Variants in SOX6 observed in about 807,000 individuals in gnomAD.
SOX6 encodes transcription factor SOX-6.
SOX6 carries 11 observed loss-of-function variants against 97.8 expected under a neutral mutation model. The observed-to-expected ratio is 0.11, with a 90% confidence interval of 0.07 to 0.19. SOX6 has a LOEUF of 0.19. Among genes scored for constraint, SOX6 ranks in the 10% least tolerant of loss-of-function variants. The pLI is 1.00. For synonymous variants in SOX6, 360 were observed against 371.4 expected, an observed-to-expected ratio of 0.97 and a Z score of 0.35; for missense variants, 810 against 1,039.5, an observed-to-expected ratio of 0.78 and a Z score of 3.04.
At chr11:16,216,789 CTCT>C (rs768363123) in intron 4 of SOX6, among the ~76,000 whole-genome samples, 9 of 152,226 alleles carry the variant, frequency 5.9e-5, no homozygotes, top group South Asian at 2.1e-4. Flanking sequence ...GGTGATTCCC[CTCT>C]TCTTCTTCCT....
intron 3 of SOX6, among the ~76,000 whole-genome samples, chr11:16,280,125 G>C (rs1265577152): frequency 6.6e-6 from 1 of 152,046 alleles, no homozygotes; most frequent in Non-Finnish European, 1.5e-5. Context: ...GCCAACCATG[G>C]ACATATGTAT....
intron 4 of SOX6, among the ~76,000 whole-genome samples, chr11:16,195,708 G>A (rs1301587898): frequency 1.3e-5 from 2 of 152,144 alleles, no homozygotes; most frequent in South Asian, 4.1e-4. Flanking sequence ...ATAGCATATG[G>A]CTTCCTGGTT....
chr11:16,681,503 A>G (rs1847927299), intron 3 of SOX6, among the ~76,000 whole-genome samples: 1 of 152,234 alleles, frequency 6.6e-6, no homozygotes, highest in Admixed American at 6.5e-5. Flanking sequence ...CACAAGAGAA[A>G]GCAGGAAAGA....
intron 2 of SOX6, among the ~76,000 whole-genome samples, chr11:16,336,310 T>C (rs1235870975): frequency 6.6e-6 from 1 of 152,144 alleles, no homozygotes; most frequent in East Asian, 1.9e-4. Flanking sequence ...CGGCCCATTC[T>C]CTGGCCGAGA....
At chr11:16,135,668 G>C (rs1424596606) in intron 6 of SOX6, among the ~76,000 whole-genome samples, 1 of 152,188 alleles carries the variant, frequency 6.6e-6, no homozygotes, top group Non-Finnish European at 1.5e-5. Flanking sequence ...GCGCCTTATA[G>C]GTGAGCAAAG....
intron 4 of SOX6, among the ~76,000 whole-genome samples, chr11:16,565,899 A>G (rs1457077109): frequency 6.6e-6 from 1 of 152,076 alleles, no homozygotes; most frequent in Admixed American, 6.5e-5. Flanking sequence ...GATCGAGACC[A>G]TCCTGGCTAA....
At chr11:16,288,120 G>A (rs1854805676) in intron 3 of SOX6, among the ~76,000 whole-genome samples, 1 of 152,062 alleles carries the variant, frequency 6.6e-6, no homozygotes, top group South Asian at 2.1e-4. Flanking sequence ...AAGAGAGGGA[G>A]TAGAGAAAAG....
In SOX6 at chr11:16,610,343, T is replaced by C. The variant is rs1010643464; in HGVS notation, n.609+1738A>G. ...ACGGAAAGGCTGGAGCGCGACTGGG[T>C]TCCTCCAATTTGCTGCGACAAGTTT... On this transcript the variant is annotated intron_variant and non_coding_transcript_variant, in intron 4 of 5. Coordinates refer to the SOX6 transcript ENST00000524520. This position sits in a 1 kb window ranked among gnomAD's most constrained non-coding sequence, Gnocchi z 4.4. Among the ~76,000 whole-genome samples, 5 of 152,112 alleles carry C rather than the reference T, an allele frequency of 3.3e-5. No individual in the cohort carries two copies. The highest frequency in any genetic ancestry group is 1.2e-4 in the African/African-American group (5 of 41,430).
At chr11:16,187,617 G>T (rs967324385) in intron 4 of SOX6, among the ~76,000 whole-genome samples, 7 of 152,050 alleles carry the variant, frequency 4.6e-5, no homozygotes, top group Admixed American at 2.0e-4. Context: ...TGCTTGGGGG[G>T]CTCTATCACC....
At chr11:16,715,746 T>TA (rs902107052) in intron 2 of SOX6, among the ~76,000 whole-genome samples, 110 of 150,970 alleles carry the variant, frequency 7.3e-4, no homozygotes, top group East Asian at 2.9e-3. Context: ...AGCAAGGAAG[T>TA]AAAAAAAAAG....
At chr11:16,111,462 C>T (rs1590203302) in intron 7 of SOX6, among the ~76,000 whole-genome samples, 1 of 152,092 alleles carries the variant, frequency 6.6e-6, no homozygotes, top group South Asian at 2.1e-4. Context: ...CAGAATATAA[C>T]AGCTCTCACC....
chr11:16,209,329 A>G (rs1358741751), intron 4 of SOX6, among the ~76,000 whole-genome samples: 1 of 152,210 alleles, frequency 6.6e-6, no homozygotes, highest in East Asian at 1.9e-4. Context: ...TAAAGGTATG[A>G]GAACTGCTGT....
At chr11:16,337,512 A>G (rs1856501477) in intron 2 of SOX6, among the ~76,000 whole-genome samples, 1 of 152,132 alleles carries the variant, frequency 6.6e-6, no homozygotes. Flanking sequence ...TTCCAGCCTA[A>G]TGAGTCAGTC....
chr11:16,115,445 T>C (rs1849324182), intron 6 of SOX6, among the ~76,000 whole-genome samples: 1 of 152,164 alleles, frequency 6.6e-6, no homozygotes, highest in Non-Finnish European at 1.5e-5. Flanking sequence ...ACAGATTGCT[T>C]CCTTCTCTCC....
At chr11:16,468,202 G>A (rs1860077816) in intron 1 of SOX6, among the ~76,000 whole-genome samples, 1 of 152,018 alleles carries the variant, frequency 6.6e-6, no homozygotes, top group Admixed American at 6.6e-5. Context: ...ACCTTCAAAT[G>A]TATCCAGTAA....
At chr11:16,428,550 C>G (rs1279182300) in intron 1 of SOX6, among the ~76,000 whole-genome samples, 3 of 152,128 alleles carry the variant, frequency 2.0e-5, no homozygotes, top group African/African-American at 7.2e-5. Flanking sequence ...ATATGGCTAG[C>G]CAGTTTTCCC....
At chr11:16,420,198 G>A (rs1858996775) in intron 1 of SOX6, among the ~76,000 whole-genome samples, 1 of 152,096 alleles carries the variant, frequency 6.6e-6, no homozygotes, top group African/African-American at 2.4e-5. Flanking sequence ...AATATAAATT[G>A]AGAGAAAGGT....
chr11:16,561,181 A>G (rs1016882413), intron 4 of SOX6, among the ~76,000 whole-genome samples: 2 of 152,124 alleles, frequency 1.3e-5, no homozygotes, highest in Non-Finnish European at 2.9e-5. Flanking sequence ...GAAAGGGAAT[A>G]AGACAGGAAG....
intron 15 of SOX6, among the ~76,000 whole-genome samples, chr11:15,984,365 T>A (rs767076589): frequency 1.3e-5 from 2 of 152,158 alleles, no homozygotes; most frequent in Non-Finnish European, 2.9e-5. Context: ...CCTTCCAGAC[T>A]GGCGGAACAG....
Sources: gnomAD v4.1 joint callset for allele counts (sites outside exome capture counted in the v4.1 genomes callset) on GRCh38, gnomAD v4.1.1 for gene constraint, Gnocchi (gnomAD v3.1) non-coding constraint, MANE v1.5 for transcripts, NCBI Gene and HGNC (gene_info 2026-07-23, HGNC 2026-07-21) for gene names.